The following FRMD4A variants were observed in gnomAD, a reference collection of about 807,000 sequenced individuals.
The protein encoded by FRMD4A is FERM domain containing 4A.
A neutral mutation model predicts 129.1 loss-of-function variants in FRMD4A; 29 were observed. That is an observed-to-expected ratio of 0.22 (90% confidence interval 0.17 to 0.31). FRMD4A has a LOEUF of 0.31. Among genes scored for constraint, FRMD4A ranks in the 10% least tolerant of loss-of-function variants. FRMD4A has a pLI of 1.00. For missense variants in FRMD4A, 1,272 were observed against 1,375.8 expected (o/e 0.92, Z 1.19); for synonymous variants, 634 against 571.6 (o/e 1.11, Z -1.56).
At chr10:13,778,521 T>A (rs1248751042) in intron 6 of FRMD4A, among the ~76,000 whole-genome samples, 1 of 152,068 alleles carries the variant, frequency 6.6e-6, no homozygotes, top group Non-Finnish European at 1.5e-5. Context: ...ACATTTGTAA[T>A]TGGTGGAACT....
chr10:14,045,296 A>G (rs1247274112), intron 2 of FRMD4A, among the ~76,000 whole-genome samples: 2 of 152,120 alleles, frequency 1.3e-5, no homozygotes, highest in Non-Finnish European at 2.9e-5. Context: ...CTGGTGTGCA[A>G]CATCTGGTGT....
rs184041212 is a variant in FRMD4A at position 13,803,463 on chromosome 10, C to G, written c.207-6875G>C. Reference sequence around the variant, plus strand: ...CTTCCCATCTCAGACTCCTGAATAGCTGGGACTACAGGTGCACACCACCAC... The same window carrying G: ...CTTCCCATCTCAGACTCCTGAATAGGTGGGACTACAGGTGCACACCACCAC... On this transcript the variant is annotated intron_variant, in intron 4 of 24. Coordinates refer to ENST00000357447, the MANE Select transcript of FRMD4A (RefSeq NM_018027.5). 1.6e-4 allele frequency among the ~76,000 whole-genome samples: 24 copies of G among 152,254 alleles called. No individual in the cohort carries two copies. In the East Asian group the frequency reaches 4.3e-3, roughly 27 times the overall value.
At chr10:13,764,500 C>T (rs1184705894) in intron 6 of FRMD4A, among the ~76,000 whole-genome samples, 2 of 114,652 alleles carry the variant, frequency 1.7e-5, no homozygotes, top group Non-Finnish European at 3.6e-5. Flanking sequence ...GAGACCCTGC[C>T]TCAAATAAAC....
rs1564319125 is a variant in FRMD4A, at chr10:14,127,954, C to CTTTT, written c.45+202103_45+202104insAAAA. ...TCTTTCTTTCTTTCTTTCTTTCTTT[C>CTTTT]TTTCTTTCTTTCTTTCTTTCTTTCC... On this transcript the variant is annotated intron_variant, in intron 2 of 24. Transcript: ENST00000357447. 3.0e-4 allele frequency among the ~76,000 whole-genome samples: 8 copies of CTTTT among 26,768 alleles called. 1 individual carries two copies. Among genetic ancestry groups the CTTTT allele is most frequent in the African/African-American group, 1.6e-3 (8 of 5,036 alleles). 17.6% of individuals were successfully genotyped at this position (26,768 alleles called of 152,430 possible). A position where few individuals can be genotyped will look rare whatever the true frequency, so the allele number is the denominator to read the frequency against.
Position 13,843,144 on chromosome 10 carries a change from C to T in FRMD4A, c.111+15703G>A, listed in dbSNP as rs141333690. Reference sequence around the variant, plus strand: ...ACTGCTACAGCCTTAATCCAACATGCAGTACCAAGTATGCAGGCTCCAGAC... The same window carrying T: ...ACTGCTACAGCCTTAATCCAACATGTAGTACCAAGTATGCAGGCTCCAGAC... On this transcript the variant is annotated intron_variant, in intron 3 of 24. Coordinates refer to ENST00000357447, the MANE Select transcript of FRMD4A (RefSeq NM_018027.5). Among the ~76,000 whole-genome samples the T allele has an allele frequency of 1.3e-4, 20 of 152,284 alleles. No homozygotes were observed. The East Asian group carries it at 2.9e-3, about 22-fold the overall frequency.
At chr10:13,693,830 C>T (rs756952503) in intron 15 of FRMD4A, 68 bp downstream of exon 15, 16 of 1,540,878 alleles carry the variant, frequency 1.0e-5, no homozygotes, top group Non-Finnish European at 1.4e-5. Context: ...GCTCTCCCCA[C>T]CTTCCTGGGT....
At chr10:13,950,535 G>A (rs923871795) in intron 2 of FRMD4A, among the ~76,000 whole-genome samples, 8 of 152,180 alleles carry the variant, frequency 5.3e-5, no homozygotes, top group African/African-American at 1.7e-4. Context: ...CCATGACAAG[G>A]CAGAATGGAC....
At chr10:14,080,617 C>G (rs1835875804) in intron 2 of FRMD4A, among the ~76,000 whole-genome samples, 2 of 152,002 alleles carry the variant, frequency 1.3e-5, no homozygotes. Context: ...GGATCCTGGA[C>G]ACAGCTACAA....
intron 2 of FRMD4A, among the ~76,000 whole-genome samples, chr10:14,311,645 CTT>C (rs1248100179): frequency 6.8e-6 from 1 of 147,290 alleles, no homozygotes; most frequent in Non-Finnish European, 1.5e-5. Context: ...CAGCTCATGC[CTT>C]ACTCAGTTCC....
chr10:14,293,368 C>A (rs1032415064), intron 2 of FRMD4A, among the ~76,000 whole-genome samples: 2 of 152,164 alleles, frequency 1.3e-5, no homozygotes, highest in Non-Finnish European at 2.9e-5. Flanking sequence ...GACTTCCCAG[C>A]CTCCAGAACT....
chr10:14,048,359 C>T lies in FRMD4A; in HGVS notation c.46-189447G>A, dbSNP rs372479816. ...TTGCTTCATTTTCCTCTTAATAGCACGTCGTCTCATTTTGTGGGACTGATT... is the reference window on the plus strand; with the variant it reads ...TTGCTTCATTTTCCTCTTAATAGCATGTCGTCTCATTTTGTGGGACTGATT... On this transcript the variant is annotated intron_variant, in intron 2 of 24. Transcript: ENST00000357447. 4.7e-3 allele frequency among the ~76,000 whole-genome samples: 721 copies of T among 152,316 alleles called. 4 individuals are homozygous for T. The highest frequency in any genetic ancestry group is 7.9e-3 in the Non-Finnish European group (540 of 68,032).
intron 2 of FRMD4A, among the ~76,000 whole-genome samples, chr10:14,195,142 A>G (rs897956469): frequency 6.6e-6 from 1 of 152,224 alleles, no homozygotes. Context: ...CCCAAACATC[A>G]AAAATAATCC....
At chr10:14,260,309 T>A (rs551444274) in intron 2 of FRMD4A, among the ~76,000 whole-genome samples, 1 of 152,280 alleles carries the variant, frequency 6.6e-6, no homozygotes, top group African/African-American at 2.4e-5. Flanking sequence ...TTGAGTAAAC[T>A]AGCAGAGTTT....
chr10:14,131,386 A>C (rs1382880289), intron 2 of FRMD4A, among the ~76,000 whole-genome samples: 1 of 146,794 alleles, frequency 6.8e-6, no homozygotes, highest in Non-Finnish European at 1.5e-5. Context: ...TCCTTAGCCC[A>C]ACTCACTGTG....
At chr10:14,224,121 G>A (rs1057258916) in intron 2 of FRMD4A, among the ~76,000 whole-genome samples, 2 of 152,136 alleles carry the variant, frequency 1.3e-5, no homozygotes, top group Non-Finnish European at 2.9e-5. Context: ...CTGATGGAAA[G>A]AACTAGCTCC....
chr10:14,109,734 G>A (rs1435531509), intron 2 of FRMD4A, among the ~76,000 whole-genome samples: 2 of 152,240 alleles, frequency 1.3e-5, no homozygotes, highest in Admixed American at 1.3e-4. Context: ...CACTTTGGGA[G>A]GCTGAGGTGG....
chr10:14,273,249 C>A (rs903311134), intron 2 of FRMD4A, among the ~76,000 whole-genome samples: 5 of 151,970 alleles, frequency 3.3e-5, no homozygotes, highest in Non-Finnish European at 1.5e-5. Context: ...AAAGTGAGAA[C>A]CCGCCTCAGA....
chr10:13,687,671 G>A (rs2085222384), intron 15 of FRMD4A, among the ~76,000 whole-genome samples: 2 of 152,132 alleles, frequency 1.3e-5, no homozygotes, highest in South Asian at 4.1e-4. Flanking sequence ...GAAGACTTAG[G>A]AGTGAAAGCA....
intron 2 of FRMD4A, among the ~76,000 whole-genome samples, chr10:13,924,967 G>T (rs578258242): frequency 1.9e-4 from 28 of 151,172 alleles, no homozygotes; most frequent in African/African-American, 6.8e-4. Context: ...AGGAGGCTGA[G>T]GCAGGAGAAT....
Sources: gnomAD v4.1 joint callset for allele counts (sites outside exome capture counted in the v4.1 genomes callset) on GRCh38, gnomAD v4.1.1 for gene constraint, MANE v1.5 for transcripts, NCBI Gene and HGNC (gene_info 2026-07-23, HGNC 2026-07-21) for gene names.